The following NETO1 variants were observed in gnomAD, a reference collection of about 807,000 sequenced individuals.
The protein encoded by NETO1 is neuropilin and tolloid like 1.
In NETO1, 26 loss-of-function variants were observed where a neutral mutation model predicts 61.3. That is an observed-to-expected ratio of 0.42 (90% CI 0.31 to 0.59). The LOEUF (loss-of-function observed/expected upper bound fraction) is 0.59, where lower values mean the gene tolerates loss of function less well. NETO1 is among the 20% of genes least tolerant of loss of function. The pLI is 0.12. For synonymous variants in NETO1, 225 were observed against 225.8 expected (o/e 1.00, Z 0.03); for missense variants, 531 against 662.8 (o/e 0.80, Z 2.18).
At chr18:72,862,097 T>C (rs111368978) in intron 3 of NETO1, among the ~76,000 whole-genome samples, 3 of 152,304 alleles carry the variant, frequency 2.0e-5, no homozygotes, top group African/African-American at 4.8e-5. Flanking sequence ...CCCTCTCTTA[T>C]GTGTTATTTT....
intron 7 of NETO1, among the ~76,000 whole-genome samples, chr18:72,769,386 G>A (rs1240538178): frequency 6.6e-6 from 1 of 152,128 alleles, no homozygotes; most frequent in Non-Finnish European, 1.5e-5. Context: ...CAACATGTCA[G>A]TATATGGCAA....
intron 4 of NETO1, among the ~76,000 whole-genome samples, chr18:72,844,941 A>T (rs904857815): frequency 6.6e-6 from 1 of 152,186 alleles, no homozygotes; most frequent in African/African-American, 2.4e-5. Context: ...ACTGAAGCGC[A>T]GGTCTTAACG....
intron 8 of NETO1, chr18:72,752,070 A>G (rs1041803934): frequency 1.3e-5 from 2 of 152,112 alleles, no homozygotes; most frequent in African/African-American, 4.8e-5. Flanking sequence ...GCAGTGTGCA[A>G]TTAAGTATGC....
chr18:72,789,252 G>A (rs958960350), intron 6 of NETO1, among the ~76,000 whole-genome samples: 3 of 64,562 alleles, frequency 4.6e-5, no homozygotes, highest in African/African-American at 1.3e-4. Context: ...ACACACACAT[G>A]TGCACAGCAC....
intron 6 of NETO1, among the ~76,000 whole-genome samples, chr18:72,792,937 A>G (rs1443642402): frequency 2.0e-5 from 3 of 152,042 alleles, no homozygotes; most frequent in African/African-American, 7.2e-5. Context: ...TCTCATTAAG[A>G]TTCACCAAGA....
At chr18:72,810,335 C>T (rs925740721) in intron 4 of NETO1, among the ~76,000 whole-genome samples, 2 of 152,084 alleles carry the variant, frequency 1.3e-5, no homozygotes, top group African/African-American at 4.8e-5. Flanking sequence ...TGTCAGCTGG[C>T]TAGTTTGGGA....
intron 4 of NETO1, among the ~76,000 whole-genome samples, chr18:72,821,332 C>A (rs1010516569): frequency 1.3e-5 from 2 of 149,002 alleles, no homozygotes; most frequent in African/African-American, 5.0e-5. Context: ...CACCTGAGGT[C>A]GGGAGTTCGA....
chr18:72,861,690 T>C (rs1468255249), intron 3 of NETO1, among the ~76,000 whole-genome samples: 3 of 152,196 alleles, frequency 2.0e-5, no homozygotes, highest in African/African-American at 7.2e-5. Flanking sequence ...GGGACCTCGC[T>C]TGTATTCTTC....
intron 6 of NETO1, among the ~76,000 whole-genome samples, chr18:72,784,486 A>T (rs1038211651): frequency 4.6e-5 from 7 of 152,222 alleles, no homozygotes; most frequent in Non-Finnish European, 7.3e-5. Context: ...TAGACAAGCC[A>T]TTTAGCTAAG....
rs1458834611 is a variant in NETO1 at position 72,867,489 on chromosome 18, C to T, written c.-198G>A. 13 of 398,602 alleles carry T rather than the reference C, an allele frequency of 3.3e-5. No individual in the cohort carries two copies. The highest frequency in any genetic ancestry group is 1.8e-4 in the Admixed American group (4 of 22,570). 24.7% of individuals were successfully genotyped at this position (398,602 alleles called of 1,614,324 possible). A position where few individuals can be genotyped will look rare whatever the true frequency, so the allele number is the denominator to read the frequency against. On this transcript the variant is annotated 5_prime_UTR_variant, in exon 1 of 11. Coordinates refer to ENST00000327305, the MANE Select transcript of NETO1 (RefSeq NM_138966.5). Reference sequence around the variant, plus strand: ...TGCAGCCAGATCCGGATGAGTCCGTCCTCCGCCCCGGGCGGGCTCTCGCTC... The same window carrying T: ...TGCAGCCAGATCCGGATGAGTCCGTTCTCCGCCCCGGGCGGGCTCTCGCTC...
intron 7 of NETO1, among the ~76,000 whole-genome samples, chr18:72,773,354 T>A (rs1348398068): frequency 6.6e-6 from 1 of 152,130 alleles, no homozygotes; most frequent in Non-Finnish European, 1.5e-5. Context: ...TTTATATACA[T>A]CTGCAAAATA....
At chr18:72,866,718 C>T (rs2074744446) in intron 1 of NETO1, 1 of 987,314 alleles carries the variant, frequency 1.0e-6, no homozygotes, top group Non-Finnish European at 1.2e-6. Context: ...TTCCTTCCCA[C>T]CTCTACACTG....
intron 4 of NETO1, among the ~76,000 whole-genome samples, chr18:72,835,690 G>A (rs1157416604): frequency 6.6e-6 from 1 of 152,166 alleles, no homozygotes; most frequent in African/African-American, 2.4e-5. Context: ...TTACCTTCTT[G>A]CAAAAATATT....
At chr18:72,842,547 A>C (rs1462100738) in intron 4 of NETO1, among the ~76,000 whole-genome samples, 1 of 152,196 alleles carries the variant, frequency 6.6e-6, no homozygotes, top group Non-Finnish European at 1.5e-5. Context: ...TGTTGTATCA[A>C]AGATGTTAAG....
At chr18:72,832,202 C>T (rs1056340029) in intron 4 of NETO1, among the ~76,000 whole-genome samples, 5 of 151,898 alleles carry the variant, frequency 3.3e-5, no homozygotes, top group African/African-American at 1.2e-4. Flanking sequence ...AATTTGAGGC[C>T]ATATAAAATA....
intron 4 of NETO1, among the ~76,000 whole-genome samples, chr18:72,798,142 A>T (rs2072381836): frequency 6.6e-6 from 1 of 152,250 alleles, no homozygotes; most frequent in Non-Finnish European, 1.5e-5. Flanking sequence ...GGAGATGAGC[A>T]GAGGCAGGAC....
At chr18:72,750,026 G>A (rs1319737125) in intron 9 of NETO1, 36 bp downstream of exon 9, 2 of 1,439,156 alleles carry the variant, frequency 1.4e-6, no homozygotes, top group East Asian at 2.3e-5. Flanking sequence ...CAGTCTTCAG[G>A]TTATAGTTGT....
chr18:72,846,072 G>A (rs746397589), intron 4 of NETO1, among the ~76,000 whole-genome samples: 3 of 151,844 alleles, frequency 2.0e-5, no homozygotes, highest in Non-Finnish European at 4.4e-5. Flanking sequence ...AACTGTATCT[G>A]GATTTTTTTC....
chr18:72,776,766 A>G (rs2071562602), intron 7 of NETO1, among the ~76,000 whole-genome samples: 1 of 151,986 alleles, frequency 6.6e-6, no homozygotes. Context: ...CTCACCATAT[A>G]TATTTTGAGG....
Sources: gnomAD v4.1 joint callset for allele counts (sites outside exome capture counted in the v4.1 genomes callset) on GRCh38, gnomAD v4.1.1 for gene constraint, MANE v1.5 for transcripts, NCBI Gene and HGNC (gene_info 2026-07-23, HGNC 2026-07-21) for gene names.